GSE1: variants seen among roughly 807,000 people sequenced by gnomAD.
GSE1 encodes the protein Gse1 coiled-coil protein.
GSE1 carries 32 observed loss-of-function variants against 112.6 expected under a neutral mutation model. The ratio of observed to expected loss-of-function variants is 0.28; its 90% confidence interval spans 0.21 to 0.38. GSE1 has a LOEUF of 0.38. Among genes scored for constraint, GSE1 ranks in the 10% least tolerant of loss-of-function variants. GSE1 has a pLI of 1.00. For missense variants in GSE1, 2,348 were observed against 1,699.2 expected (o/e 1.38, Z -6.71); for synonymous variants, 1,115 against 735.6 (o/e 1.52, Z -8.35).
chr16:85,486,778 C>T (rs111440356), intron 2 of GSE1, among the ~76,000 whole-genome samples: 1 of 152,192 alleles, frequency 6.6e-6, no homozygotes, highest in East Asian at 1.9e-4. Flanking sequence ...GTTCCCCCAG[C>T]CCCCCGTTCG....
chr16:85,200,925 C>T (rs1239962381), intron 1 of GSE1, among the ~76,000 whole-genome samples: 5 of 152,280 alleles, frequency 3.3e-5, no homozygotes, highest in Non-Finnish European at 5.9e-5. Flanking sequence ...CTTTCTTCTC[C>T]GTGAGTCTGA....
chr16:85,674,285 GTTTGC>G lies in GSE1; in HGVS notation c.*1751_*1755del, dbSNP rs781731704. The G allele has an allele frequency of 6.6e-6, 1 of 152,270 alleles. No individual in the cohort carries two copies. Among genetic ancestry groups the G allele is most frequent in the Non-Finnish European group, 1.5e-5 (1 of 68,058 alleles). 9.4% of individuals were successfully genotyped at this position (152,270 alleles called of 1,614,324 possible). A position where few individuals can be genotyped will look rare whatever the true frequency, so the allele number is the denominator to read the frequency against. On this transcript the variant is annotated 3_prime_UTR_variant, in exon 16 of 16. Transcript: ENST00000253458. Reference sequence around the variant, plus strand: ...GTGTCGCTTTATCTGCCCCCGCACAGTTTGCTTTGTACGTCTGCCAAGAATCTTCC... The same window carrying G: ...GTGTCGCTTTATCTGCCCCCGCACAGTTTGTACGTCTGCCAAGAATCTTCC...
intron 2 of GSE1, among the ~76,000 whole-genome samples, chr16:85,392,048 C>T (rs999723826): frequency 4.6e-5 from 7 of 152,166 alleles, no homozygotes; most frequent in African/African-American, 1.4e-4. Flanking sequence ...GCCTGTTCAA[C>T]GTGGCCCCTG....
At chr16:85,187,022 C>T (rs2074717866) in intron 1 of GSE1, among the ~76,000 whole-genome samples, 1 of 152,222 alleles carries the variant, frequency 6.6e-6, no homozygotes, top group South Asian at 2.1e-4. Flanking sequence ...TGAGCATGTG[C>T]TGGGCCAGCA....
chr16:85,346,194 A>G (rs369958634), intron 1 of GSE1, among the ~76,000 whole-genome samples: 9 of 138,126 alleles, frequency 6.5e-5, no homozygotes, highest in African/African-American at 8.4e-5. Context: ...GGATGGATGA[A>G]CAATGGATGG....
intron 1 of GSE1, among the ~76,000 whole-genome samples, chr16:85,330,487 A>G (rs2046314281): frequency 6.6e-6 from 1 of 152,162 alleles, no homozygotes; most frequent in South Asian, 2.1e-4. Context: ...GTGTTGTTAG[A>G]GCCATTGTTC....
intron 1 of GSE1, among the ~76,000 whole-genome samples, chr16:85,235,585 GGC>G: frequency 2.1e-5 from 3 of 145,760 alleles, no homozygotes; most frequent in Admixed American, 6.8e-5. Flanking sequence ...GTGGGGGGGG[GGC>G]GCGTGTTCTC....
At chr16:85,469,337 G>A (rs188046242) in intron 2 of GSE1, among the ~76,000 whole-genome samples, 40 of 152,278 alleles carry the variant, frequency 2.6e-4, no homozygotes, top group African/African-American at 8.9e-4. Flanking sequence ...ACACAGGGGC[G>A]GCCACGTGAA....
Position 85,661,774 on chromosome 16 carries a change from C to A in GSE1, c.2260+9C>A. The A allele has an allele frequency of 6.7e-7, 1 of 1,493,330 alleles. No individual in the cohort carries two copies. Among genetic ancestry groups the A allele is most frequent in the Non-Finnish European group, 9.0e-7 (1 of 1,116,632 alleles). The allele number at this position is 1,493,330 out of a possible 1,614,324, so 92.5% of individuals were successfully genotyped here. A position where few individuals can be genotyped will look rare whatever the true frequency, so the allele number is the denominator to read the frequency against. ...GGAGGCCCAGGAGAAAGGTCTGCCT[C>A]CCCGCGGGCCCCGAGCTGCTCAGGG... On this transcript the variant is annotated intron_variant, in intron 9 of 15. Coordinates refer to ENST00000253458, the MANE Select transcript of GSE1 (RefSeq NM_014615.5).
At chr16:85,379,991 G>T (rs2047510681) in intron 2 of GSE1, among the ~76,000 whole-genome samples, 1 of 152,238 alleles carries the variant, frequency 6.6e-6, no homozygotes, top group South Asian at 2.1e-4. Flanking sequence ...GGGCAAAGGG[G>T]CTTTAATTTC....
At chr16:85,477,719 C>A (rs754481092) in intron 2 of GSE1, among the ~76,000 whole-genome samples, 1 of 151,950 alleles carries the variant, frequency 6.6e-6, no homozygotes, top group Non-Finnish European at 1.5e-5. Flanking sequence ...CGCCACCATG[C>A]CCGGCTAATT....
At chr16:85,297,239 CCACCAGGT>C (rs2045393867) in intron 1 of GSE1, among the ~76,000 whole-genome samples, 1 of 152,238 alleles carries the variant, frequency 6.6e-6, no homozygotes, top group South Asian at 2.1e-4. Context: ...AGAAGCTGGG[CCACCAGGT>C]CAGTGGGCGT....
intron 2 of GSE1, among the ~76,000 whole-genome samples, chr16:85,416,576 G>A (rs538250733): frequency 1.3e-5 from 2 of 152,230 alleles, no homozygotes; most frequent in African/African-American, 4.8e-5. Flanking sequence ...GTGGCAACCT[G>A]TGGGGCCTGC....
intron 2 of GSE1, among the ~76,000 whole-genome samples, chr16:85,361,510 CCTCTCTGT>C (rs755401677): frequency 3.5e-4 from 53 of 152,246 alleles, no homozygotes; most frequent in Non-Finnish European, 4.9e-4. Flanking sequence ...CCCTCTCTGC[CCTCTCTGT>C]CTCTCTGGCC....
rs146696469 is a variant in GSE1, at chr16:85,467,318, G to A, written c.2464+109675G>A. Among the ~76,000 whole-genome samples the A allele has an allele frequency of 4.8e-3, 737 of 152,362 alleles. 5 individuals are homozygous for A. The highest frequency in any genetic ancestry group is 0.017 in the African/African-American group (706 of 41,574). Reference sequence around the variant, plus strand: ...CTCAGTTTCCTCATCTCTAAAAGGGGAAATAAATATGGTGGCACCTGTCTT... The same window carrying A: ...CTCAGTTTCCTCATCTCTAAAAGGGAAAATAAATATGGTGGCACCTGTCTT... On this transcript the variant is annotated intron_variant, in intron 2 of 2. Transcript: ENST00000637419.
Position 85,416,326 on chromosome 16 carries a change from G to A in GSE1, c.2464+58683G>A, listed in dbSNP as rs117861949. On this transcript the variant is annotated intron_variant, in intron 2 of 2. Transcript: ENST00000637419. ...CCCGGGGCCGGGAGCTGGGAGGGCCGCCTAATTTCTCAAGGTTGAATGTAT... is the reference window on the plus strand; with the variant it reads ...CCCGGGGCCGGGAGCTGGGAGGGCCACCTAATTTCTCAAGGTTGAATGTAT... 1.6e-4 allele frequency among the ~76,000 whole-genome samples: 24 copies of A among 152,294 alleles called. No homozygotes were observed. The East Asian group carries it at 3.3e-3, about 21-fold the overall frequency.
At chr16:85,284,585 G>C (rs1290033324) in intron 1 of GSE1, among the ~76,000 whole-genome samples, 1 of 152,242 alleles carries the variant, frequency 6.6e-6, no homozygotes, top group Non-Finnish European at 1.5e-5. Flanking sequence ...CGGGAACTCG[G>C]TGCAGATGCT....
At chr16:85,635,367 A>G (rs2049904812) in intron 2 of GSE1, among the ~76,000 whole-genome samples, 2 of 152,022 alleles carry the variant, frequency 1.3e-5, no homozygotes, top group South Asian at 4.1e-4. Context: ...AAAACCCTCC[A>G]CGCCCTTGGC....
chr16:85,188,855 A>G (rs1343751029), intron 1 of GSE1, among the ~76,000 whole-genome samples: 2 of 151,952 alleles, frequency 1.3e-5, no homozygotes, highest in East Asian at 3.9e-4. Context: ...ACAAAGATCC[A>G]TCATCCTCAT....
Sources: allele counts gnomAD v4.1 joint callset (sites outside exome capture counted in the v4.1 genomes callset), GRCh38; gene constraint gnomAD v4.1.1; transcripts MANE v1.5; gene names NCBI Gene and HGNC (gene_info 2026-07-23, HGNC 2026-07-21).